Variants in CCDC102B observed in about 807,000 individuals in gnomAD.
CCDC102B encodes coiled-coil domain-containing protein 102B.
In CCDC102B, 75 loss-of-function variants were observed where a neutral mutation model predicts 57.4. The observed-to-expected ratio is 1.31, with a 90% CI of 1.08 to 1.58. The LOEUF is 1.58. Ranked by LOEUF, CCDC102B falls within the 40% of genes most tolerant of loss-of-function variation. CCDC102B has a pLI of 0.00. For synonymous variants in CCDC102B, 206 were observed against 201.9 expected (o/e 1.02, Z -0.17); for missense variants, 636 against 582.6 (o/e 1.09, Z -0.94).
chr18:68,726,878 T>G (rs1403684760), intron 2 of CCDC102B, among the ~76,000 whole-genome samples: 1 of 152,152 alleles, frequency 6.6e-6, no homozygotes, highest in Non-Finnish European at 1.5e-5. Flanking sequence ...TCATGAACCC[T>G]AAACAAATCT....
At chr18:68,839,342 C>T (rs2037521629) in intron 3 of CCDC102B, among the ~76,000 whole-genome samples, 1 of 152,088 alleles carries the variant, frequency 6.6e-6, no homozygotes, top group Admixed American at 6.6e-5. Flanking sequence ...AAAAAGTAGT[C>T]TTATACATGG....
At chr18:69,024,889 T>C (rs539227558) in intron 7 of CCDC102B, among the ~76,000 whole-genome samples, 5 of 152,148 alleles carry the variant, frequency 3.3e-5, no homozygotes, top group African/African-American at 9.6e-5. Flanking sequence ...CATTATATAG[T>C]TCTTATATAG....
At chr18:68,799,872 G>C (rs1486189179) in intron 1 of CCDC102B, among the ~76,000 whole-genome samples, 1 of 152,068 alleles carries the variant, frequency 6.6e-6, no homozygotes, top group East Asian at 1.9e-4. Flanking sequence ...ACATAGAACA[G>C]GAAAAATTGA....
At chr18:69,044,727 A>G (rs1218758983) in intron 7 of CCDC102B, among the ~76,000 whole-genome samples, 2 of 152,164 alleles carry the variant, frequency 1.3e-5, no homozygotes, top group Non-Finnish European at 2.9e-5. Context: ...TGCAAACCAA[A>G]GGAACAGTAA....
intron 6 of CCDC102B, 46 bp from the exon 7 acceptor site, chr18:69,010,888 A>G: frequency 1.5e-6 from 2 of 1,378,856 alleles, no homozygotes; most frequent in Non-Finnish European, 1.9e-6. Flanking sequence ...TTCTGATTTT[A>G]TCAGAATAGA....
chr18:68,803,046 A>G (rs1476487673), intron 1 of CCDC102B, among the ~76,000 whole-genome samples: 2 of 152,250 alleles, frequency 1.3e-5, no homozygotes, highest in Admixed American at 6.5e-5. Flanking sequence ...GATAGCAATT[A>G]AAGTGGTGTG....
rs71175201 is a variant in CCDC102B, at chr18:68,853,672, TAAAAA to T, written c.936+7277_936+7281del. Among the ~76,000 whole-genome samples the T allele has an allele frequency of 7.3e-3, 692 of 94,604 alleles. 18 individuals carry two copies. Among genetic ancestry groups the T allele is most frequent in the East Asian group, 0.064 (273 of 4,274 alleles). The allele number at this position is 94,604 out of a possible 152,430, so 62.1% of individuals were successfully genotyped here. A position where few individuals can be genotyped will look rare whatever the true frequency, so the allele number is the denominator to read the frequency against. ...CGAATTTTTCTTTATCCCCAAATTG[TAAAAA>T]AAAAAAAAAAAAAAAAAAAAAAAAA... On this transcript the variant is annotated intron_variant, in intron 4 of 7. Coordinates refer to ENST00000360242, the MANE Select transcript of CCDC102B (RefSeq NM_024781.3).
At chr18:68,724,350 A>C (rs182962432) in intron 2 of CCDC102B, among the ~76,000 whole-genome samples, 2 of 152,268 alleles carry the variant, frequency 1.3e-5, no homozygotes, top group African/African-American at 4.8e-5. Flanking sequence ...TACTTATGCA[A>C]ATTTCTGCAG....
At chr18:68,898,440 G>C (rs2040318872) in intron 6 of CCDC102B, among the ~76,000 whole-genome samples, 1 of 151,948 alleles carries the variant, frequency 6.6e-6, no homozygotes, top group African/African-American at 2.4e-5. Context: ...AAATGTTATA[G>C]TCCGTGACCA....
chr18:68,794,404 A>G (rs1165324099), upstream of CCDC102B, among the ~76,000 whole-genome samples: 1 of 149,726 alleles, frequency 6.7e-6, no homozygotes, highest in Non-Finnish European at 1.5e-5. Flanking sequence ...AGCCAAATAT[A>G]TTTGTATGGG....
chr18:68,990,222 T>C (rs2050828861), intron 6 of CCDC102B, among the ~76,000 whole-genome samples: 1 of 152,224 alleles, frequency 6.6e-6, no homozygotes. Flanking sequence ...TGCAGCCCGT[T>C]AGATTTGGCT....
intron 4 of CCDC102B, among the ~76,000 whole-genome samples, chr18:68,854,186 C>G (rs1365648374): frequency 6.6e-6 from 1 of 151,764 alleles, no homozygotes; most frequent in African/African-American, 2.4e-5. Flanking sequence ...CTTCAACCTC[C>G]GTCTCCCGGG....
At chr18:68,747,500 C>A (rs1032840179) in intron 2 of CCDC102B, among the ~76,000 whole-genome samples, 14 of 152,142 alleles carry the variant, frequency 9.2e-5, no homozygotes, top group African/African-American at 3.4e-4. Context: ...ACTTTATACC[C>A]ATTAAACAAC....
intron 2 of CCDC102B, among the ~76,000 whole-genome samples, chr18:68,743,204 AAAATAAATAAATAAATAAAT>A (rs149028636): frequency 0.012 from 1,656 of 142,596 alleles, 18 homozygotes; most frequent in South Asian, 0.018. Context: ...CATCTCAACA[AAAATAAATAAATAAATAAAT>A]AAATAAATAA....
At chr18:68,736,313 G>T (rs952536054) in intron 2 of CCDC102B, among the ~76,000 whole-genome samples, 1 of 152,080 alleles carries the variant, frequency 6.6e-6, no homozygotes, top group Admixed American at 6.5e-5. Context: ...TTGCTTGCTC[G>T]TCAGAAACAG....
At chr18:68,838,319 G>T in intron 2 of CCDC102B, 18 of 766,378 alleles carry the variant, frequency 2.3e-5, no homozygotes, top group Non-Finnish European at 2.9e-5. Context: ...TTTCAAAAAT[G>T]TTAAAAAATG....
chr18:68,948,594 A>G (rs2049604374), intron 6 of CCDC102B, among the ~76,000 whole-genome samples: 1 of 152,004 alleles, frequency 6.6e-6, no homozygotes, highest in South Asian at 2.1e-4. Context: ...CTGGAAGACC[A>G]ATGATGGATC....
chr18:68,750,122 G>T (rs1041536621), intron 2 of CCDC102B, among the ~76,000 whole-genome samples: 2 of 152,120 alleles, frequency 1.3e-5, no homozygotes, highest in African/African-American at 4.8e-5. Flanking sequence ...GTGGGCAAAG[G>T]ATATGAACAG....
chr18:68,941,897 A>G (rs983817617), intron 6 of CCDC102B, among the ~76,000 whole-genome samples: 3 of 152,118 alleles, frequency 2.0e-5, no homozygotes, highest in Admixed American at 6.6e-5. Flanking sequence ...TCAATTATAT[A>G]TGGCATCAAA....
Sources: gnomAD v4.1 joint callset for allele counts (sites outside exome capture counted in the v4.1 genomes callset) on GRCh38, gnomAD v4.1.1 for gene constraint, MANE v1.5 for transcripts, NCBI Gene and HGNC (gene_info 2026-07-23, HGNC 2026-07-21) for gene names.